Variants in NUTM1 observed in about 807,000 individuals in gnomAD.
NUTM1 encodes NUT family member 1.
A neutral mutation model predicts 88.7 loss-of-function variants in NUTM1; 39 were observed. The observed-to-expected ratio is 0.44, with a 90% CI of 0.34 to 0.57. The LOEUF (loss-of-function observed/expected upper bound fraction) is 0.57. Among genes scored for constraint, NUTM1 ranks in the 20% least tolerant of loss-of-function variants. The pLI is 0.01. For synonymous variants in NUTM1, 494 were observed against 538.0 expected (o/e 0.92, Z 1.13); for missense variants, 1,350 against 1,414.5 (o/e 0.95, Z 0.73).
In NUTM1 at chr15:34,353,844, C is replaced by T; in HGVS notation, c.1047C>T (p.Pro349=). The change falls in exon 5 of 8, where the codon CCC becomes CCT. Residue 349 remains proline, a synonymous_variant. Coordinates refer to ENST00000537011, the MANE Select transcript of NUTM1 (RefSeq NM_001284292.2). ...ATPLKLDPLG[P]LASEVCQQPV... ...CTTTGAAACTTGATCCTCTAGGGCCCCTGGCCTCTGAGGTTTGCCAGCAGC... is the reference window on the plus strand; with the variant it reads ...CTTTGAAACTTGATCCTCTAGGGCCTCTGGCCTCTGAGGTTTGCCAGCAGC... The T allele has an allele frequency of 6.2e-7, 1 of 1,613,820 alleles. No homozygotes were observed. The highest frequency in any genetic ancestry group is 8.5e-7 in the Non-Finnish European group (1 of 1,180,032).
In NUTM1 at chr15:34,343,569, A is replaced by G; in HGVS notation, c.-128A>G. ...TCAAAGCGTTGGCGGTAAAGAATGC[A>G]TGTTGAGTATCAATATTCCGTAAAG... On this transcript the variant is annotated 5_prime_UTR_variant, in exon 1 of 8. The change abolishes an upstream ATG in the 5' untranslated region. Transcript: ENST00000537011. 4 of 1,532,344 alleles carry G rather than the reference A, an allele frequency of 2.6e-6. No individual in the cohort carries two copies. The highest frequency in any genetic ancestry group is 1.2e-5 in the South Asian group (1 of 83,932). The allele number at this position is 1,532,344 out of a possible 1,614,324, so 94.9% of individuals were successfully genotyped here.
In NUTM1 at chr15:34,357,218, C is replaced by T. The variant is rs1174097118; in HGVS notation, c.3210C>T (p.Ala1070=). The T allele has an allele frequency of 1.2e-6, 2 of 1,614,068 alleles. No individual in the cohort carries two copies. Among genetic ancestry groups the T allele is most frequent in the East Asian group, 4.5e-5 (2 of 44,894 alleles). Residue 1070 remains alanine, a synonymous_variant, in exon 8 of 8, where the codon GCC becomes GCT. Coordinates refer to ENST00000537011, the MANE Select transcript of NUTM1 (RefSeq NM_001284292.2). ...PREHPLSPHH[A]SGGQGSQRAS... is the part of the protein sequence containing the mutation. ...AGCATCCCCTCAGTCCTCACCATGC[C>T]TCAGGAGGTCAGGGCAGCCAGAGAG...
intron 4 of NUTM1, among the ~76,000 whole-genome samples, chr15:34,351,154 G>A (rs1288657521): frequency 7.5e-6 from 1 of 132,478 alleles, no homozygotes; most frequent in East Asian, 2.6e-4. Context: ...TTTGAACCTG[G>A]GAGGTGGAGG....
chr15:34,350,673 T>C, intron 3 of NUTM1, 31 bp from the exon 4 acceptor site: 1 of 1,604,650 alleles, frequency 6.2e-7, no homozygotes, highest in Non-Finnish European at 8.5e-7. Flanking sequence ...AGCACACTTT[T>C]AGAATGTGAC....
At chr15:34,343,817 C>G in intron 1 of NUTM1, 115 bp downstream of exon 1, 1 of 843,676 alleles carries the variant, frequency 1.2e-6, no homozygotes, top group African/African-American at 1.7e-5. Context: ...AAAATGAGAA[C>G]CAAAATATCA....
chr15:34,350,586 G>A, intron 3 of NUTM1, 118 bp from the exon 4 acceptor site: 3 of 1,225,524 alleles, frequency 2.4e-6, no homozygotes, highest in Non-Finnish European at 1.1e-6. Context: ...GGACACGACA[G>A]GCCCTAAGGG....
At position 34,348,214 on chromosome 15, in the gene NUTM1, G is replaced by T. The variant is rs770696098; in HGVS notation, c.346G>T (p.Val116Phe). 12 of 1,614,216 alleles carry T rather than the reference G, an allele frequency of 7.4e-6. No homozygotes were observed. In the South Asian group the frequency reaches 1.2e-4, roughly 16 times the overall value. Residue 116 changes from valine (V) to phenylalanine (F), a missense_variant, in exon 3 of 8, where the codon GTC becomes TTC. Transcript: ENST00000537011. ...PCLSGAGAGK[V>F]IVKVKTEGGS... is the part of the protein sequence containing the mutation. Reference sequence around the variant, plus strand: ...CCTCAGTGGGGCTGGGGCTGGCAAGGTCATTGTCAAAGTCAAGACAGAAGG... The same window carrying T: ...CCTCAGTGGGGCTGGGGCTGGCAAGTTCATTGTCAAAGTCAAGACAGAAGG...
At position 34,354,734 on chromosome 15, in the gene NUTM1, T is replaced by A; in HGVS notation, c.1362+2T>A. 6.2e-7 allele frequency: 1 copy of A among 1,614,038 alleles called. No individual in the cohort carries two copies. The highest frequency in any genetic ancestry group is 1.1e-5 in the South Asian group (1 of 91,018). On this transcript the variant is annotated splice_donor_variant, in intron 6 of 7. Transcript: ENST00000537011. LOFTEE classifies it high-confidence loss of function. ...TCTCAGAAGGTCTTTGTCTCCAAGG[T>A]GAGCTGGGCCTGCACATCTTGTTTC... is the stretch of plus-strand genomic sequence containing the variant.
intron 5 of NUTM1, 24 bp from the exon 6 acceptor site, chr15:34,354,422 T>G: frequency 6.2e-7 from 1 of 1,611,386 alleles, no homozygotes; most frequent in Non-Finnish European, 8.5e-7. Flanking sequence ...TACTTCCCAT[T>G]CTCCTGTCCA....
At chr15:34,345,919 C>A (rs777312092) in intron 1 of NUTM1, 23 bp from the exon 2 acceptor site, 2 of 1,613,152 alleles carry the variant, frequency 1.2e-6, no homozygotes, top group South Asian at 2.2e-5. Flanking sequence ...TTCCTTGGAT[C>A]CCTGTGCACC....
intron 6 of NUTM1, 91 bp from the exon 7 acceptor site, chr15:34,354,930 A>G: frequency 9.3e-7 from 1 of 1,078,466 alleles, no homozygotes; most frequent in Non-Finnish European, 1.4e-6. Context: ...AAGAGGGGAG[A>G]GTTGGGGAGC....
chr15:34,353,159 A>G (rs1381167972), intron 4 of NUTM1, among the ~76,000 whole-genome samples: 2 of 151,626 alleles, frequency 1.3e-5, no homozygotes, highest in Non-Finnish European at 2.9e-5. Context: ...TGCTGGGGTT[A>G]CAGGCGTGAG....
chr15:34,355,819 C>T lies in NUTM1; in HGVS notation c.1811C>T (p.Pro604Leu), dbSNP rs571494372. 22 of 1,614,166 alleles carry T rather than the reference C, an allele frequency of 1.4e-5. No homozygotes were observed. Among genetic ancestry groups the T allele is most frequent in the South Asian group, 1.1e-4 (10 of 91,082 alleles). Residue 604 changes from proline to leucine, a missense_variant, in exon 8 of 8, where the codon CCG (proline) becomes CTG (leucine). This residue lies in a region of NUTM1 where 730 missense variants were observed against 728.8 expected (regional missense o/e 1.00). Transcript: ENST00000537011. This position sits in a 1 kb window ranked among gnomAD's most constrained non-coding sequence, Gnocchi z 4.3. Reference protein sequence around the residue: ...QPELAAPQGTPGPLGVERRGS... With the variant: ...QPELAAPQGTLGPLGVERRGS... ...GAACTTGCAGCTCCACAGGGAACTC[C>T]GGGACCCTTGGGTGTGGAGAGGAGA...
intron 6 of NUTM1, 88 bp downstream of exon 6, chr15:34,354,820 T>C: frequency 7.5e-7 from 1 of 1,325,170 alleles, no homozygotes; most frequent in Non-Finnish European, 1.1e-6. Context: ...TCCAATGCAG[T>C]AGGACTTAGG....
At chr15:34,352,660 G>T (rs1369174870) in intron 4 of NUTM1, among the ~76,000 whole-genome samples, 2 of 120,738 alleles carry the variant, frequency 1.7e-5, no homozygotes, top group Non-Finnish European at 3.6e-5. Flanking sequence ...AAAAAAAAAA[G>T]CCAGGCGTGG....
chr15:34,350,010 T>C (rs1444268171), intron 3 of NUTM1, among the ~76,000 whole-genome samples: 2 of 152,168 alleles, frequency 1.3e-5, no homozygotes, highest in Non-Finnish European at 2.9e-5. Context: ...AAATGCTCAG[T>C]TGTGGGATCC....
At chr15:34,348,865 C>G (rs1230923169) in intron 3 of NUTM1, among the ~76,000 whole-genome samples, 188 bp downstream of exon 3, 1 of 152,064 alleles carries the variant, frequency 6.6e-6, no homozygotes, top group East Asian at 1.9e-4. Flanking sequence ...TAGTTTATAA[C>G]AACCTTTCAG....
At chr15:34,345,713 T>C (rs1890573335) in intron 1 of NUTM1, 1 of 499,118 alleles carries the variant, frequency 2.0e-6, no homozygotes, top group African/African-American at 1.9e-5. Flanking sequence ...AGTTTACAAA[T>C]AGCCCTAAAG....
At position 34,356,226 on chromosome 15, in the gene NUTM1, G is replaced by A. The variant is rs759117029; in HGVS notation, c.2218G>A (p.Glu740Lys). ...DQNPSPRAAG[E>K]RDDVCLSPGV... Reference sequence around the variant, plus strand: ...GAATCCTTCCCCTAGAGCAGCTGGGGAGAGGGACGATGTCTGTCTCAGCCC... The same window carrying A: ...GAATCCTTCCCCTAGAGCAGCTGGGAAGAGGGACGATGTCTGTCTCAGCCC... The change falls in exon 8 of 8, where the codon GAG (glutamate) becomes AAG (lysine). Residue 740 changes from glutamate to lysine, a missense_variant. Around this residue, in one of 5 missense-constraint regions of NUTM1, gnomAD observed 730 missense variants for 728.8 expected, o/e 1.00. Transcript: ENST00000537011. 6.2e-7 allele frequency: 1 copy of A among 1,607,098 alleles called. No individual in the cohort carries two copies. The highest frequency in any genetic ancestry group is 2.2e-5 in the East Asian group (1 of 44,694).
Sources: allele counts gnomAD v4.1 joint callset (sites outside exome capture counted in the v4.1 genomes callset), GRCh38; gene constraint gnomAD v4.1.1; regional missense constraint gnomAD v4.1.1; non-coding constraint Gnocchi (gnomAD v3.1); transcripts MANE v1.5; gene names NCBI Gene and HGNC (gene_info 2026-07-23, HGNC 2026-07-21).